The following KCTD16 variants were observed in gnomAD, a reference collection of about 807,000 sequenced individuals.
KCTD16 encodes the protein potassium channel tetramerization domain containing 16.
KCTD16 carries 13 observed loss-of-function variants against 33.2 expected under a neutral mutation model. The ratio of observed to expected loss-of-function variants is 0.39; its 90% CI spans 0.25 to 0.62. The LOEUF is 0.62. KCTD16 is among the 20% of genes least tolerant of loss of function. The pLI, the probability that KCTD16 is intolerant of heterozygous loss-of-function variation, is 0.50. For synonymous variants in KCTD16, 197 were observed against 195.3 expected (o/e 1.01, Z -0.07); for missense variants, 441 against 525.1 (o/e 0.84, Z 1.57).
In KCTD16 at chr5:144,480,357, G is replaced by C. The variant is rs1260735392; in HGVS notation, c.*6243G>C. The C allele has an allele frequency of 2.0e-5, 3 of 151,982 alleles. No homozygotes were observed. The South Asian group carries it at 6.2e-4, about 31-fold the overall frequency. The allele number at this position is 151,982 out of a possible 1,614,324, so 9.4% of individuals were successfully genotyped here. On this transcript the variant is annotated 3_prime_UTR_variant, in exon 4 of 4. Transcript: ENST00000512467. ...GTAAAGCTTGAGCTTGTCTCCTCATGTGAAATTCAAACAATACTAATTTCT... is the reference window on the plus strand; with the variant it reads ...GTAAAGCTTGAGCTTGTCTCCTCATCTGAAATTCAAACAATACTAATTTCT...
At chr5:144,331,998 T>A (rs1752374365) in intron 3 of KCTD16, among the ~76,000 whole-genome samples, 1 of 152,124 alleles carries the variant, frequency 6.6e-6, no homozygotes, top group Non-Finnish European at 1.5e-5. Flanking sequence ...CAGAAATTCT[T>A]AGAAAAAGCC....
At chr5:144,265,312 G>A (rs568706270) in intron 3 of KCTD16, among the ~76,000 whole-genome samples, 1 of 152,240 alleles carries the variant, frequency 6.6e-6, no homozygotes, top group East Asian at 1.9e-4. Context: ...AACAACTGCT[G>A]CATGCCAGTA....
At chr5:144,253,150 T>C (rs1347695551) in intron 3 of KCTD16, among the ~76,000 whole-genome samples, 1 of 152,148 alleles carries the variant, frequency 6.6e-6, no homozygotes, top group Non-Finnish European at 1.5e-5. Context: ...TTCGTTGTCA[T>C]ATTTATCCCC....
In KCTD16 at chr5:144,482,919, C is replaced by T. The variant is rs1035067924; in HGVS notation, c.*8805C>T. On this transcript the variant is annotated 3_prime_UTR_variant, in exon 4 of 4. Transcript: ENST00000512467. ...TACAATTTATATTTGGTTTCCTAGA[C>T]GGTCTAATATAGTTCTAATTTCCAA... 2.0e-5 allele frequency: 3 copies of T among 151,416 alleles called. No homozygotes were observed. Among genetic ancestry groups the T allele is most frequent in the African/African-American group, 4.8e-5 (2 of 41,266 alleles). 9.4% of individuals were successfully genotyped at this position (151,416 alleles called of 1,614,324 possible). A position where few individuals can be genotyped will look rare whatever the true frequency, so the allele number is the denominator to read the frequency against.
Position 144,206,630 on chromosome 5 carries a change from C to A in KCTD16, c.-85C>A. The A allele has an allele frequency of 8.5e-7, 1 of 1,177,186 alleles. No individual in the cohort carries two copies. The highest frequency in any genetic ancestry group is 1.2e-6 in the Non-Finnish European group (1 of 824,650). 72.9% of individuals were successfully genotyped at this position (1,177,186 alleles called of 1,614,324 possible). ...AATAAGTTAGCATCCTTTTCCCTTT[C>A]TTACAAGTTGATCCAAAGGATAAGG... On this transcript the variant is annotated 5_prime_UTR_variant, in exon 3 of 4. Transcript: ENST00000512467.
chr5:144,422,880 C>T (rs1472532447), intron 3 of KCTD16, among the ~76,000 whole-genome samples: 1 of 151,974 alleles, frequency 6.6e-6, no homozygotes, highest in Non-Finnish European at 1.5e-5. Context: ...TGAAAGTAAC[C>T]TTATGCAATA....
intron 3 of KCTD16, among the ~76,000 whole-genome samples, chr5:144,282,002 T>C (rs144768294): frequency 6.6e-6 from 1 of 152,246 alleles, no homozygotes; most frequent in East Asian, 1.9e-4. Context: ...CTCTTAGTTT[T>C]CTGGCATATA....
intron 3 of KCTD16, among the ~76,000 whole-genome samples, chr5:144,466,990 ATATATATTATATATAT>A (rs1754349135): frequency 2.2e-5 from 1 of 46,446 alleles, no homozygotes; most frequent in Non-Finnish European, 4.2e-5. Context: ...ATATAACACT[ATATATATTATATATAT>A]TATATATAAT....
chr5:144,474,146 A>C lies in KCTD16; in HGVS notation c.*32A>C. The stretch of plus-strand genomic sequence containing the variant: ...GCTGGGGGCGGGAAAAGAAAAAAAA[A>C]AGTCATTTTGAAATTAACCTCCTAA... On this transcript the variant is annotated 3_prime_UTR_variant, in exon 4 of 4. Transcript: ENST00000512467. 6.6e-7 allele frequency: 1 copy of C among 1,516,402 alleles called. No homozygotes were observed. Among genetic ancestry groups the C allele is most frequent in the Non-Finnish European group, 8.9e-7 (1 of 1,123,730 alleles). 93.9% of individuals were successfully genotyped at this position (1,516,402 alleles called of 1,614,324 possible).
At chr5:144,418,278 G>C (rs1413975348) in intron 3 of KCTD16, among the ~76,000 whole-genome samples, 3 of 152,126 alleles carry the variant, frequency 2.0e-5, no homozygotes, top group Non-Finnish European at 4.4e-5. Flanking sequence ...AGACCGAGTG[G>C]GTTGCCAACG....
intron 3 of KCTD16, among the ~76,000 whole-genome samples, chr5:144,276,367 G>A (rs1049799245): frequency 2.6e-5 from 4 of 152,118 alleles, no homozygotes; most frequent in South Asian, 2.1e-4. Context: ...TATTCAGCCA[G>A]TCCCTGAAGG....
Position 144,207,324 on chromosome 5 carries a change from G to T in KCTD16, c.610G>T (p.Val204Phe), listed in dbSNP as rs1213597696. 6.2e-7 allele frequency: 1 copy of T among 1,614,210 alleles called. No individual in the cohort carries two copies. The highest frequency in any genetic ancestry group is 1.7e-5 in the Admixed American group (1 of 60,026). Reference protein sequence around the residue: ...VCGRISLAKEVFGETLNESRD... With the variant: ...VCGRISLAKEFFGETLNESRD... ...TGGAAGGATTTCCTTGGCAAAAGAAGTCTTTGGAGAAACTTTGAATGAAAG... is the reference window on the plus strand; with the variant it reads ...TGGAAGGATTTCCTTGGCAAAAGAATTCTTTGGAGAAACTTTGAATGAAAG... Residue 204 changes from valine (V) to phenylalanine (F), a missense_variant, in exon 3 of 4, where the codon GTC becomes TTC. Val to Phe is a conservative substitution (Grantham distance 50). Around this residue, in one of 3 missense-constraint regions of KCTD16, gnomAD observed 355 missense variants for 413.0 expected, o/e 0.86. Coordinates refer to ENST00000512467, the MANE Select transcript of KCTD16 (RefSeq NM_020768.4).
intron 3 of KCTD16, chr5:144,369,323 G>T (rs1011783550): frequency 5.3e-5 from 8 of 152,138 alleles, no homozygotes; most frequent in Non-Finnish European, 8.8e-5. Flanking sequence ...TCTACTGTTT[G>T]TTTTTAGAGA....
intron 3 of KCTD16, among the ~76,000 whole-genome samples, chr5:144,387,383 A>G (rs1205582885): frequency 6.6e-6 from 1 of 152,018 alleles, no homozygotes; most frequent in African/African-American, 2.4e-5. Context: ...TTTTGAGAAA[A>G]AATAAGTCAT....
chr5:144,256,802 C>A (rs1407991737), intron 3 of KCTD16, among the ~76,000 whole-genome samples: 1 of 131,898 alleles, frequency 7.6e-6, no homozygotes, highest in Non-Finnish European at 1.5e-5. Context: ...AACTTTAGGA[C>A]TTTAATTTTT....
chr5:144,323,763 C>T (rs949816686), intron 3 of KCTD16, among the ~76,000 whole-genome samples: 5 of 152,134 alleles, frequency 3.3e-5, no homozygotes, highest in Admixed American at 2.0e-4. Flanking sequence ...AGATTTTCTT[C>T]CAAATACTAT....
intron 3 of KCTD16, among the ~76,000 whole-genome samples, chr5:144,465,522 C>A (rs1754309980): frequency 6.6e-6 from 1 of 152,074 alleles, no homozygotes; most frequent in African/African-American, 2.4e-5. Context: ...TCTCAGGTCT[C>A]TTCTGGGTCT....
chr5:144,258,959 C>T (rs984608967), intron 3 of KCTD16, among the ~76,000 whole-genome samples: 25 of 151,812 alleles, frequency 1.6e-4, no homozygotes, highest in African/African-American at 6.0e-4. Context: ...TTTTGATGAG[C>T]CATAAAAAAA....
intron 3 of KCTD16, among the ~76,000 whole-genome samples, chr5:144,230,929 G>A (rs1352475655): frequency 5.3e-5 from 8 of 152,228 alleles, no homozygotes; most frequent in African/African-American, 1.7e-4. Context: ...AAGTCAGGCA[G>A]AGCATAGCCT....
Sources: gnomAD v4.1 joint callset for allele counts (sites outside exome capture counted in the v4.1 genomes callset) on GRCh38, gnomAD v4.1.1 for gene constraint, gnomAD v4.1.1 regional missense constraint, MANE v1.5 for transcripts, NCBI Gene and HGNC (gene_info 2026-07-23, HGNC 2026-07-21) for gene names.